Variants in OR2L13 observed in about 807,000 individuals in gnomAD.
OR2L13 encodes olfactory receptor family 2 subfamily L member 13, also known as olfactory receptor 2L13.
Under a neutral mutation model 15.3 loss-of-function variants are expected in OR2L13, and 14 were observed. That is an observed-to-expected ratio of 0.91 (90% confidence interval 0.60 to 1.43). The LOEUF is 1.43. Ranked by LOEUF, OR2L13 falls within the 40% of genes most tolerant of loss-of-function variation. The pLI, the probability that OR2L13 is intolerant of heterozygous loss-of-function variation, is 0.00. For synonymous variants in OR2L13, 152 were observed against 142.9 expected, an observed-to-expected ratio of 1.06 and a Z score of -0.45; for missense variants, 367 against 387.9, an observed-to-expected ratio of 0.95 and a Z score of 0.45.
At chr1:248,094,506 TAACAGGCTG>T (rs1336808998), upstream of OR2L13, among the ~76,000 whole-genome samples, 11 of 152,218 alleles carry the variant, frequency 7.2e-5, no homozygotes, top group Admixed American at 7.2e-4. Context: ...TAAAGATTAG[TAACAGGCTG>T]AAATCTTAAG....
the OR2L13 span, among the ~76,000 whole-genome samples, chr1:247,964,387 C>T: frequency 6.6e-6 from 1 of 152,048 alleles, no homozygotes; most frequent in African/African-American, 2.4e-5. Flanking sequence ...GGAACTGCTG[C>T]GTTATAGCAC....
chr1:248,011,708 T>C, the OR2L13 span, among the ~76,000 whole-genome samples: 1 of 152,162 alleles, frequency 6.6e-6, no homozygotes, highest in African/African-American at 2.4e-5. Context: ...GCAGTATTAT[T>C]AACCATTAGC....
the OR2L13 span, chr1:247,991,299 T>G: frequency 6.7e-6 from 5 of 751,718 alleles, no homozygotes; most frequent in African/African-American, 9.1e-5. Context: ...GCCCAGTATG[T>G]CAAACGGAAA....
the OR2L13 span, among the ~76,000 whole-genome samples, chr1:247,971,893 A>G: frequency 9.8e-5 from 15 of 152,318 alleles, no homozygotes; most frequent in Non-Finnish European, 1.6e-4. Context: ...AGCAAATGCA[A>G]AAGGGCAGAA....
the OR2L13 span, among the ~76,000 whole-genome samples, chr1:247,993,762 GGA>G: frequency 8.0e-3 from 427 of 53,624 alleles, 4 homozygotes; most frequent in South Asian, 0.011. Flanking sequence ...AGAGAGAGGG[GGA>G]GAGAGAGAGA....
the OR2L13 span, chr1:248,038,329 G>C: frequency 6.2e-7 from 1 of 1,613,690 alleles, no homozygotes; most frequent in Non-Finnish European, 8.5e-7. Context: ...CCACAATCAA[G>C]AATTGGCCTT....
chr1:248,011,872 C>T, the OR2L13 span, among the ~76,000 whole-genome samples: 2 of 152,094 alleles, frequency 1.3e-5, no homozygotes, highest in African/African-American at 4.8e-5. Flanking sequence ...AGGCCTGTAC[C>T]ACTGTGTCCT....
At chr1:248,039,279 A>C in the OR2L13 span, 269 of 1,360,810 alleles carry the variant, frequency 2.0e-4, 4 homozygotes, top group South Asian at 3.6e-3. Flanking sequence ...GAAGAAAAAC[A>C]TTATTACATG....
the OR2L13 span, chr1:248,084,685 T>A: frequency 6.7e-7 from 1 of 1,496,048 alleles, no homozygotes; most frequent in Non-Finnish European, 9.0e-7. Flanking sequence ...CCCTCTTTTT[T>A]TTCATAGAAA....
At chr1:248,083,447 T>C in the OR2L13 span, 1 of 572,792 alleles carries the variant, frequency 1.7e-6, no homozygotes, top group Non-Finnish European at 3.1e-6. Context: ...TTACTTCACT[T>C]GAAGAAAAGC....
chr1:248,061,561 A>T, the OR2L13 span: 41 of 1,613,802 alleles, frequency 2.5e-5, no homozygotes, highest in East Asian at 9.1e-4. Context: ...CCTGAGGAAC[A>T]AGGAGGTGAT....
At chr1:248,022,957 A>T in the OR2L13 span, 16 of 1,316,798 alleles carry the variant, frequency 1.2e-5, no homozygotes. Context: ...GTGAAGAAAA[A>T]CATTATTACA....
the OR2L13 span, among the ~76,000 whole-genome samples, chr1:248,025,542 G>A: frequency 6.3e-4 from 94 of 149,328 alleles, no homozygotes; most frequent in African/African-American, 2.1e-3. Flanking sequence ...TCAGTGTGGC[G>A]ATTCCTCAGG....
At chr1:248,065,676 C>T in the OR2L13 span, among the ~76,000 whole-genome samples, 2 of 146,036 alleles carry the variant, frequency 1.4e-5, no homozygotes, top group South Asian at 2.2e-4. Flanking sequence ...TGAGTGAGAA[C>T]ATGCGGTGTT....
chr1:248,077,727 A>C, the OR2L13 span, among the ~76,000 whole-genome samples: 4 of 152,222 alleles, frequency 2.6e-5, no homozygotes, highest in Non-Finnish European at 5.9e-5. Context: ...CTTCTGTTAA[A>C]GGGAGATTAG....
the OR2L13 span, among the ~76,000 whole-genome samples, chr1:247,947,100 T>G: frequency 1.1e-4 from 16 of 152,166 alleles, no homozygotes; most frequent in Non-Finnish European, 1.9e-4. Flanking sequence ...TTTTGAAACT[T>G]CCGCTTAATA....
chr1:248,027,648 A>G, the OR2L13 span, among the ~76,000 whole-genome samples: 36 of 152,170 alleles, frequency 2.4e-4, no homozygotes, highest in African/African-American at 8.7e-4. Context: ...CATGTGAAAT[A>G]TTGGGGGCTG....
At chr1:248,054,784 T>C in the OR2L13 span, among the ~76,000 whole-genome samples, 1 of 152,244 alleles carries the variant, frequency 6.6e-6, no homozygotes, top group Non-Finnish European at 1.5e-5. Flanking sequence ...TTTCTGCACA[T>C]TGATTTTGTA....
the OR2L13 span, chr1:248,029,986 C>G: frequency 6.6e-6 from 1 of 152,092 alleles, no homozygotes; most frequent in African/African-American, 2.4e-5. Flanking sequence ...TGGACAATCC[C>G]CAGTGAATAC....
Sources: allele counts gnomAD v4.1 joint callset (sites outside exome capture counted in the v4.1 genomes callset), GRCh38; gene constraint gnomAD v4.1.1; transcripts MANE v1.5; gene names NCBI Gene and HGNC (gene_info 2026-07-23, HGNC 2026-07-21).